The following STK33 variants were observed in gnomAD, a reference collection of about 807,000 sequenced individuals.
STK33 encodes the protein serine/threonine-protein kinase 33.
Under a neutral mutation model 58.0 loss-of-function variants are expected in STK33, and 52 were observed. That is an observed-to-expected ratio of 0.90 (90% confidence interval 0.72 to 1.13). The LOEUF is 1.13. Among genes scored for constraint, STK33 ranks in the 50% most tolerant of loss-of-function variants. The pLI, the probability that STK33 is intolerant of heterozygous loss-of-function variation, is 0.00. For missense variants in STK33, 630 were observed against 604.2 expected, an observed-to-expected ratio of 1.04 and a Z score of -0.45; for synonymous variants, 215 against 200.1, an observed-to-expected ratio of 1.07 and a Z score of -0.63.
intron 1 of STK33, among the ~76,000 whole-genome samples, chr11:8,500,613 A>C (rs114035421): frequency 1.3e-5 from 2 of 152,206 alleles, no homozygotes; most frequent in African/African-American, 4.8e-5. Context: ...AATACTCCCC[A>C]AACTGATCTA....
intron 6 of STK33, among the ~76,000 whole-genome samples, chr11:8,469,962 G>A (rs1356083302): frequency 6.6e-6 from 1 of 152,198 alleles, no homozygotes; most frequent in Non-Finnish European, 1.5e-5. Flanking sequence ...TTTATTTAAT[G>A]AGCACAGGCA....
intron 1 of STK33, among the ~76,000 whole-genome samples, chr11:8,528,752 G>T (rs1286172799): frequency 2.0e-5 from 3 of 152,144 alleles, no homozygotes. Context: ...TCACCTCAAA[G>T]CTTTTACGGT....
intron 1 of STK33, among the ~76,000 whole-genome samples, chr11:8,560,907 C>G (rs1274687160): frequency 6.6e-6 from 1 of 152,156 alleles, no homozygotes; most frequent in Non-Finnish European, 1.5e-5. Context: ...CTGAGACTAG[C>G]AGATTCATCA....
intron 15 of STK33, 69 bp downstream of exon 15, chr11:8,413,425 CA>C (rs3833784): frequency 0.38 from 588,056 of 1,540,576 alleles, 117,960 homozygotes; most frequent in East Asian, 0.61. Context: ...GACAGATTTG[CA>C]AAAAAAATGT....
chr11:8,527,504 G>GA (rs1954153235), intron 1 of STK33, among the ~76,000 whole-genome samples: 1 of 151,882 alleles, frequency 6.6e-6, no homozygotes, highest in Non-Finnish European at 1.5e-5. Context: ...GTATCCCAAG[G>GA]TATTTCCCCA....
chr11:8,551,174 G>C (rs1289449281), intron 1 of STK33, among the ~76,000 whole-genome samples: 3 of 151,836 alleles, frequency 2.0e-5, no homozygotes, highest in Non-Finnish European at 4.4e-5. Flanking sequence ...CTATTACCCA[G>C]GCTGATGTGT....
At chr11:8,362,396 C>A in the STK33 span, among the ~76,000 whole-genome samples, 1 of 152,112 alleles carries the variant, frequency 6.6e-6, no homozygotes, top group African/African-American at 2.4e-5. Flanking sequence ...GTCGCTCATT[C>A]GGAGTGAAAT....
rs555765376 is a variant in STK33, at chr11:8,529,699, T to C, written c.-465-49085A>G. Among the ~76,000 whole-genome samples the C allele has an allele frequency of 7.9e-5, 12 of 152,150 alleles. No homozygotes were observed. The South Asian group carries it at 2.5e-3, about 32-fold the overall frequency. On this transcript the variant is annotated intron_variant, in intron 1 of 15. Transcript: ENST00000687296. ...ATAGGAGTCTCAGAGTGATACAGTATGAGAAAGACTCGTTAAAGATGAAAA... is the reference window on the plus strand; with the variant it reads ...ATAGGAGTCTCAGAGTGATACAGTACGAGAAAGACTCGTTAAAGATGAAAA...
Position 8,392,598 on chromosome 11 carries a change from T to C in STK33, c.1457A>G (p.Glu486Gly), listed in dbSNP as rs774335422. ...LLPAEIKGEM[E>G]KTPVTPSQGT... The stretch of plus-strand genomic sequence containing the variant: ...TTGGCTTGGAGTCACAGGGGTTTTC[T>C]CCATTTCTCCCTTGATTTCAGCTGG... The change falls in exon 16 of 16, where the codon GAG (glutamate) becomes GGG (glycine). Residue 486 changes from glutamate to glycine, a missense_variant. Coordinates refer to ENST00000687296, the MANE Select transcript of STK33 (RefSeq NM_001352389.2). 6.2e-7 allele frequency: 1 copy of C among 1,614,252 alleles called. No homozygotes were observed. The highest frequency in any genetic ancestry group is 1.1e-5 in the South Asian group (1 of 91,086).
intron 15 of STK33, among the ~76,000 whole-genome samples, chr11:8,393,522 C>CT (rs2134920788): frequency 6.6e-6 from 1 of 152,174 alleles, no homozygotes; most frequent in Admixed American, 6.5e-5. Flanking sequence ...GCATAGAGTT[C>CT]TAAAAGAGTA....
intron 1 of STK33, among the ~76,000 whole-genome samples, chr11:8,483,328 GGA>G (rs1312569266): frequency 5.3e-5 from 8 of 152,252 alleles, no homozygotes; most frequent in Admixed American, 2.0e-4. Context: ...AAGAAAAATA[GGA>G]GAGAGAAAGT....
chr11:8,484,747 A>G (rs1950082573), intron 1 of STK33, among the ~76,000 whole-genome samples: 1 of 152,220 alleles, frequency 6.6e-6, no homozygotes, highest in African/African-American at 2.4e-5. Context: ...TTTCAGAGAA[A>G]GGAGGCATCT....
chr11:8,372,818 C>G, the STK33 span, among the ~76,000 whole-genome samples: 7,442 of 152,318 alleles, frequency 0.049, 244 homozygotes, highest in Non-Finnish European at 0.07. Flanking sequence ...GCTTGCAAGG[C>G]TGAGGGCGTG....
intron 1 of STK33, among the ~76,000 whole-genome samples, chr11:8,591,523 C>T (rs2032588082): frequency 1.3e-5 from 2 of 152,046 alleles, no homozygotes; most frequent in African/African-American, 2.4e-5. Flanking sequence ...CCCCAAATGA[C>T]GAAGGGTTAA....
the STK33 span, among the ~76,000 whole-genome samples, chr11:8,346,559 G>A: frequency 6.6e-6 from 1 of 152,216 alleles, no homozygotes; most frequent in African/African-American, 2.4e-5. Context: ...GAGAAAGGTG[G>A]GGCAGGATAT....
At chr11:8,465,012 G>A in intron 6 of STK33, 190 bp from the exon 7 acceptor site, 1 of 368,788 alleles carries the variant, frequency 2.7e-6, no homozygotes, top group Admixed American at 4.4e-5. Context: ...AAGCGTTGAT[G>A]AATTTTATTA....
Position 8,446,566 on chromosome 11 carries a change from T to C in STK33, c.872-5813A>G, listed in dbSNP as rs529486356. On this transcript the variant is annotated intron_variant, in intron 11 of 15. Transcript: ENST00000687296. ...GGCATCATACTACCTGACTTCAAAC[T>C]ATACTACAAGGCTACAGTAACCAAA... Among the ~76,000 whole-genome samples the C allele has an allele frequency of 2.1e-4, 32 of 152,254 alleles. No individual in the cohort carries two copies. In the South Asian group the frequency reaches 6.6e-3, roughly 32 times the overall value.
the STK33 span, among the ~76,000 whole-genome samples, chr11:8,377,199 G>A: frequency 1.3e-5 from 2 of 152,216 alleles, no homozygotes; most frequent in Non-Finnish European, 2.9e-5. Context: ...AGAGTGACCA[G>A]TAGATACCCC....
At chr11:8,445,292 G>C (rs774984423) in intron 11 of STK33, among the ~76,000 whole-genome samples, 12 of 152,100 alleles carry the variant, frequency 7.9e-5, no homozygotes, top group Non-Finnish European at 1.5e-4. Flanking sequence ...GAGACAATAG[G>C]GTTTTCTAGA....
Sources: gnomAD v4.1 joint callset for allele counts (sites outside exome capture counted in the v4.1 genomes callset) on GRCh38, gnomAD v4.1.1 for gene constraint, MANE v1.5 for transcripts, NCBI Gene and HGNC (gene_info 2026-07-23, HGNC 2026-07-21) for gene names.